CDK20: variants seen among roughly 807,000 people sequenced by gnomAD.
The protein encoded by CDK20 is cyclin-dependent kinase 20.
Under a neutral mutation model 38.6 loss-of-function variants are expected in CDK20, and 40 were observed. The ratio of observed to expected loss-of-function variants is 1.04; its 90% CI spans 0.81 to 1.35. The LOEUF is 1.35. Among genes scored for constraint, CDK20 ranks in the 40% most tolerant of loss-of-function variants. The pLI, the probability that CDK20 is intolerant of heterozygous loss-of-function variation, is 0.00. For missense variants in CDK20, 512 were observed against 452.6 expected, an observed-to-expected ratio of 1.13 and a Z score of -1.19; for synonymous variants, 209 against 185.7, an observed-to-expected ratio of 1.13 and a Z score of -1.02.
chr9:87,969,427 C>T lies in CDK20; in HGVS notation c.688-78G>A, dbSNP rs995048463. The T allele has an allele frequency of 2.8e-5, 42 of 1,479,592 alleles. No individual in the cohort carries two copies. In the East Asian group the frequency reaches 8.2e-4, roughly 29 times the overall value. The allele number at this position is 1,479,592 out of a possible 1,614,324, so 91.7% of individuals were successfully genotyped here. A position where few individuals can be genotyped will look rare whatever the true frequency, so the allele number is the denominator to read the frequency against. On this transcript the variant is annotated intron_variant, in intron 6 of 7. Transcript: ENST00000325303. ...CATGCTCTCTGCTGTCAACTCTCAG[C>T]CCCTAACACACACTCACATGGGGGG...
At position 87,966,935 on chromosome 9, in the gene CDK20, G is replaced by A; in HGVS notation, c.*527C>T. Reference sequence around the variant, plus strand: ...CAATGCCACCTTAGCCATTTCCCTTGAGAGAAATGAAGGAGGAACAGACAT... The same window carrying A: ...CAATGCCACCTTAGCCATTTCCCTTAAGAGAAATGAAGGAGGAACAGACAT... On this transcript the variant is annotated 3_prime_UTR_variant, in exon 8 of 8. Coordinates refer to ENST00000325303, the MANE Select transcript of CDK20 (RefSeq NM_001039803.3). The A allele has an allele frequency of 2.5e-6, 1 of 405,732 alleles. No individual in the cohort carries two copies. The highest frequency in any genetic ancestry group is 5.0e-6 in the Non-Finnish European group (1 of 200,764). The allele number at this position is 405,732 out of a possible 1,614,324, so 25.1% of individuals were successfully genotyped here.
In CDK20 at chr9:87,970,772, C is replaced by T. The variant is rs1829791671; in HGVS notation, c.500+4G>A. On this transcript the variant is annotated splice_donor_region_variant and intron_variant, in intron 4 of 7. Transcript: ENST00000325303. ...AAGACTGGAAGGGATCTGGCCCTCC[C>T]TACCTGGTGGCCACCTGGTGTGTGT... is the stretch of plus-strand genomic sequence containing the variant. 1 of 1,613,758 alleles carries T rather than the reference C, an allele frequency of 6.2e-7. No homozygotes were observed. The highest frequency in any genetic ancestry group is 8.5e-7 in the Non-Finnish European group (1 of 1,180,006).
chr9:87,974,151 C>A (rs1348033359), intron 1 of CDK20, 116 bp from the exon 2 acceptor site: 2 of 1,543,874 alleles, frequency 1.3e-6, no homozygotes, highest in Non-Finnish European at 1.8e-6. Flanking sequence ...GGCCAGAGGC[C>A]CTCCTCGGGG....
intron 5 of CDK20, 199 bp downstream of exon 5, chr9:87,970,369 C>T: frequency 1.7e-6 from 1 of 578,322 alleles, no homozygotes; most frequent in Non-Finnish European, 3.0e-6. Flanking sequence ...TCTCATCCCA[C>T]CTGGCCCCTA....
In CDK20 at chr9:87,969,194, C is replaced by G. The variant is rs562649016; in HGVS notation, c.843G>C (p.Lys281Asn). Residue 281 changes from lysine to asparagine, a missense_variant and splice_region_variant, in exon 7 of 8, where the codon AAG becomes AAC. Transcript: ENST00000325303. Reference protein sequence around the residue: ...YPPHQRIAASKALLHQYFFTA... With the variant: ...YPPHQRIAASNALLHQYFFTA... Reference sequence around the variant, plus strand: ...CAGAGACTACAGCCTCTCCCCCTACCTTGGAAGCTGCGATGCGCTGGTGAG... The same window carrying G: ...CAGAGACTACAGCCTCTCCCCCTACGTTGGAAGCTGCGATGCGCTGGTGAG... 1.2e-6 allele frequency: 2 copies of G among 1,613,788 alleles called. No homozygotes were observed. The highest frequency in any genetic ancestry group is 2.2e-5 in the South Asian group (2 of 91,060).
chr9:87,969,379 T>G (rs890401776), intron 6 of CDK20, 30 bp from the exon 7 acceptor site: 1 of 1,610,772 alleles, frequency 6.2e-7, no homozygotes, highest in African/African-American at 1.3e-5. Flanking sequence ...CAGGGTACAA[T>G]GAGAGTAGTT....
At chr9:87,974,276 C>A in intron 1 of CDK20, 96 bp downstream of exon 1, 1 of 1,353,426 alleles carries the variant, frequency 7.4e-7, no homozygotes, top group South Asian at 1.2e-5. Flanking sequence ...AAAAACTGTA[C>A]TGGATGTAAA....
In CDK20 at chr9:87,974,503, T is replaced by C. The variant is rs983585025; in HGVS notation, c.-57A>G. 5.4e-6 allele frequency: 8 copies of C among 1,486,856 alleles called. No individual in the cohort carries two copies. In the African/African-American group the frequency reaches 8.3e-5, roughly 15 times the overall value. The allele number at this position is 1,486,856 out of a possible 1,614,324, so 92.1% of individuals were successfully genotyped here. A position where few individuals can be genotyped will look rare whatever the true frequency, so the allele number is the denominator to read the frequency against. On this transcript the variant is annotated 5_prime_UTR_variant, in exon 1 of 8. Transcript: ENST00000325303. ...CCCCTGAACTTCCAAACTCCACTTC[T>C]CCTCCACCCCACGCTGATCTGAGCT... is the stretch of plus-strand genomic sequence containing the variant.
chr9:87,974,123 G>C (rs760884652), intron 1 of CDK20, 88 bp from the exon 2 acceptor site: 1 of 1,596,496 alleles, frequency 6.3e-7, no homozygotes, highest in East Asian at 2.2e-5. Context: ...TTGAGAGAGA[G>C]ACACGCGCCC....
chr9:87,969,130 TAC>T, intron 7 of CDK20, 62 bp downstream of exon 7: 3 of 1,569,406 alleles, frequency 1.9e-6, no homozygotes, highest in South Asian at 1.2e-5. Flanking sequence ...GGCTACCAAG[TAC>T]AGAGTACCAG....
At chr9:87,971,422 A>C (rs976462213) in intron 2 of CDK20, 87 bp from the exon 3 acceptor site, 13 of 1,234,274 alleles carry the variant, frequency 1.1e-5, no homozygotes, top group Non-Finnish European at 1.4e-5. Flanking sequence ...GCCCTGACAG[A>C]GGACCCTGTA....
intron 5 of CDK20, chr9:87,970,271 T>C (rs1829754621): frequency 4.3e-6 from 2 of 468,462 alleles, no homozygotes; most frequent in South Asian, 9.2e-5. Context: ...AGCTCAGAGA[T>C]GCCATATCCT....
In CDK20 at chr9:87,970,694, C is replaced by A. The variant is rs1829784114; in HGVS notation, c.501-64G>T. The stretch of plus-strand genomic sequence containing the variant: ...AGGATGCCTGGGGAGGTGACCCCAG[C>A]CCCACAAGCAATGTCTGGAGAAAAG... On this transcript the variant is annotated intron_variant, in intron 4 of 7. Transcript: ENST00000325303. 10 of 1,612,082 alleles carry A rather than the reference C, an allele frequency of 6.2e-6. No homozygotes were observed. The South Asian group carries it at 9.9e-5, about 16-fold the overall frequency.
At chr9:87,970,222 G>A in intron 5 of CDK20, 2 of 441,042 alleles carry the variant, frequency 4.5e-6, no homozygotes, top group East Asian at 3.5e-5. Context: ...TGCAAAACAA[G>A]CTCAGAGCTT....
At position 87,969,620 on chromosome 9, in the gene CDK20, CCA is replaced by C. The variant is rs1241559558; in HGVS notation, c.687+174_687+175del. ...AAAGGGACAAAGGACAGGATCTACC[CCA>C]ACCCAAATGACAGCAGGAAGGAGGA... On this transcript the variant is annotated intron_variant, in intron 6 of 7. Coordinates refer to ENST00000325303, the MANE Select transcript of CDK20 (RefSeq NM_001039803.3). 5 of 1,046,378 alleles carry C rather than the reference CCA, an allele frequency of 4.8e-6. No individual in the cohort carries two copies. The African/African-American group carries it at 6.4e-5, about 13-fold the overall frequency. The allele number at this position is 1,046,378 out of a possible 1,614,324, so 64.8% of individuals were successfully genotyped here.
In CDK20 at chr9:87,966,910, C is replaced by T. The variant is rs954163213; in HGVS notation, c.*552G>A. 2.6e-6 allele frequency: 1 copy of T among 388,156 alleles called. No individual in the cohort carries two copies. The highest frequency in any genetic ancestry group is 5.2e-6 in the Non-Finnish European group (1 of 193,862). The allele number at this position is 388,156 out of a possible 1,614,324, so 24.0% of individuals were successfully genotyped here. A position where few individuals can be genotyped will look rare whatever the true frequency, so the allele number is the denominator to read the frequency against. On this transcript the variant is annotated 3_prime_UTR_variant, in exon 8 of 8. Coordinates refer to ENST00000325303, the MANE Select transcript of CDK20 (RefSeq NM_001039803.3). ...GACCCCAAAAACGAGAGCCATGAGA[C>T]AATGCCACCTTAGCCATTTCCCTTG... is the stretch of plus-strand genomic sequence containing the variant.
At chr9:87,973,807 CAG>C in intron 2 of CDK20, 113 bp downstream of exon 2, 1 of 1,085,814 alleles carries the variant, frequency 9.2e-7, no homozygotes, top group Non-Finnish European at 1.4e-6. Flanking sequence ...GTGTGAGTGA[CAG>C]CGGGAGGAAA....
Position 87,974,398 on chromosome 9 carries a change from T to A in CDK20, c.49A>T (p.Ile17Phe). 1.2e-6 allele frequency: 2 copies of A among 1,612,942 alleles called. No homozygotes were observed. Among genetic ancestry groups the A allele is most frequent in the Non-Finnish European group, 1.7e-6 (2 of 1,179,922 alleles). The change falls in exon 1 of 8, where the codon ATC becomes TTC. Residue 17 changes from isoleucine (I) to phenylalanine (F), a missense_variant. Physicochemically the swap from Ile to Phe is conservative, Grantham distance 21. Transcript: ENST00000325303. ...LGRIGEGAHG[I>F]VFKAKHVETG... is the part of the protein sequence containing the mutation. ...TCCACGTGCTTGGCCTTGAAGACGA[T>A]GCCGTGGGCGCCCTCCCCGATGCGG...
Position 87,969,355 on chromosome 9 carries a change from C to A in CDK20, c.688-6G>T. The A allele has an allele frequency of 6.2e-7, 1 of 1,613,550 alleles. No individual in the cohort carries two copies. The highest frequency in any genetic ancestry group is 8.5e-7 in the Non-Finnish European group (1 of 1,179,762). On this transcript the variant is annotated splice_region_variant and splice_polypyrimidine_tract_variant and intron_variant, in intron 6 of 7. Transcript: ENST00000325303. ...TCCGGCAGCTCAGTGAGCTCCTGGG[C>A]CAGGGAGAAGGAACAGGGTACAATG...
Sources: allele counts gnomAD v4.1 joint callset, GRCh38; gene constraint gnomAD v4.1.1; transcripts MANE v1.5; gene names NCBI Gene and HGNC (gene_info 2026-07-23, HGNC 2026-07-21).